The following ZNF385B variants were observed in gnomAD, a reference collection of about 807,000 sequenced individuals.
ZNF385B encodes the protein zinc finger protein 533.
In ZNF385B, 23 loss-of-function variants were observed where a neutral mutation model predicts 39.2. The observed-to-expected ratio is 0.59, with a 90% CI of 0.42 to 0.83. ZNF385B has a LOEUF of 0.83. Ranked by LOEUF, ZNF385B falls within the 40% of genes least tolerant of loss-of-function variation. The pLI is 0.00. For missense variants in ZNF385B, 552 were observed against 598.9 expected, an observed-to-expected ratio of 0.92 and a Z score of 0.82; for synonymous variants, 205 against 222.6, an observed-to-expected ratio of 0.92 and a Z score of 0.70.
intron 3 of ZNF385B, among the ~76,000 whole-genome samples, chr2:179,632,482 A>G (rs1490693418): frequency 6.6e-6 from 1 of 152,210 alleles, no homozygotes; most frequent in East Asian, 1.9e-4. Flanking sequence ...AGGCAGAAAT[A>G]AAGATGTTTT....
At chr2:179,508,533 A>G (rs534555535) in intron 5 of ZNF385B, among the ~76,000 whole-genome samples, 142 of 152,342 alleles carry the variant, frequency 9.3e-4, no homozygotes, top group Non-Finnish European at 1.5e-3. Context: ...ACTTTTGACT[A>G]AAAGAGTTAT....
chr2:179,670,406 C>T (rs1176861665), intron 3 of ZNF385B, among the ~76,000 whole-genome samples: 1 of 151,626 alleles, frequency 6.6e-6, no homozygotes, highest in Admixed American at 6.6e-5. Flanking sequence ...TAGCATGCTA[C>T]TCTCTAGTAC....
At chr2:179,749,940 C>T (rs1050273799) in intron 3 of ZNF385B, among the ~76,000 whole-genome samples, 3 of 152,048 alleles carry the variant, frequency 2.0e-5, no homozygotes, top group Non-Finnish European at 4.4e-5. Flanking sequence ...GATAATCCGT[C>T]CTTCACTAAA....
intron 5 of ZNF385B, chr2:179,513,950 G>C (rs1316862780): frequency 6.6e-6 from 1 of 152,212 alleles, no homozygotes; most frequent in African/African-American, 2.4e-5. Flanking sequence ...CAAAAGATGA[G>C]AACCAATTTA....
chr2:179,443,168 A>G lies in ZNF385B; in HGVS notation c.*82T>C. The G allele has an allele frequency of 6.5e-7, 1 of 1,545,512 alleles. No homozygotes were observed. The highest frequency in any genetic ancestry group is 8.9e-7 in the Non-Finnish European group (1 of 1,125,152). ...GTGGGTGAATGGGGGGTACTGCAAC[A>G]CAAACTGCTTAAATTGCTGAATCCT... On this transcript the variant is annotated 3_prime_UTR_variant, in exon 10 of 10. Transcript: ENST00000410066.
intron 3 of ZNF385B, among the ~76,000 whole-genome samples, chr2:179,674,426 T>G (rs1363417713): frequency 6.6e-6 from 1 of 152,202 alleles, no homozygotes; most frequent in African/African-American, 2.4e-5. Context: ...GGTGGTTTAG[T>G]CTTATGAATG....
At chr2:179,559,079 A>G (rs1256945092) in intron 3 of ZNF385B, among the ~76,000 whole-genome samples, 1 of 152,218 alleles carries the variant, frequency 6.6e-6, no homozygotes, top group Non-Finnish European at 1.5e-5. Context: ...ATTTCTTGTT[A>G]GAAATTTCCT....
intron 1 of ZNF385B, among the ~76,000 whole-genome samples, chr2:179,824,789 G>A (rs996488524): frequency 6.6e-6 from 1 of 151,418 alleles, no homozygotes. Flanking sequence ...AATATTTAAA[G>A]ATACAACTTT....
rs371073173 is a variant in ZNF385B, at chr2:179,569,314, A to C, written c.299-24345T>G. Among the ~76,000 whole-genome samples, 9 of 152,228 alleles carry C rather than the reference A, an allele frequency of 5.9e-5. No homozygotes were observed. The East Asian group carries it at 1.2e-3, about 20-fold the overall frequency. The stretch of plus-strand genomic sequence containing the variant: ...CCATAGCATACAAGAAAAATTGCTT[A>C]TCAGATGTCAGTTACTCCTAAATAT... On this transcript the variant is annotated intron_variant, in intron 3 of 9. Transcript: ENST00000410066.
At chr2:179,793,770 GAGTCAGTGGTGCATACAGGTAAA>G (rs1705486897) in intron 1 of ZNF385B, among the ~76,000 whole-genome samples, 1 of 152,238 alleles carries the variant, frequency 6.6e-6, no homozygotes, top group South Asian at 2.1e-4. Context: ...GGGCAGATGT[GAGTCAGTGGTGCATACAGGTAAA>G]AAGAAAAGAT....
rs34449760 is a variant in ZNF385B at position 179,714,942 on chromosome 2, C to CAAAAAAAAAAAAAAAAAAAAAA, written c.298+54560_298+54561insTTTTTTTTTTTTTTTTTTTTTT. Reference sequence around the variant, plus strand: ...TGGGTAACAAAGCGAGATTCTATCTCAAAAAAAAAAAAAAAAAAACAGTTT... The same window carrying CAAAAAAAAAAAAAAAAAAAAAA: ...TGGGTAACAAAGCGAGATTCTATCTCAAAAAAAAAAAAAAAAAAAAAAAAAAAAAAAAAAAAAAAAACAGTTT... On this transcript the variant is annotated intron_variant, in intron 3 of 9. Coordinates refer to ENST00000410066, the MANE Select transcript of ZNF385B (RefSeq NM_152520.6). Among the ~76,000 whole-genome samples the CAAAAAAAAAAAAAAAAAAAAAA allele has an allele frequency of 2.9e-3, 228 of 79,230 alleles. 21 individuals carry two copies. In the East Asian group the frequency reaches 0.044, roughly 15 times the overall value. The allele number at this position is 79,230 out of a possible 152,430, so 52.0% of individuals were successfully genotyped here.
chr2:179,621,638 C>T (rs34595830), intron 3 of ZNF385B, among the ~76,000 whole-genome samples: 8,740 of 152,234 alleles, frequency 0.057, 378 homozygotes, highest in Middle Eastern at 0.11. Context: ...TTTCTCCCTA[C>T]CTTCCTTTAC....
chr2:179,510,363 GTA>G (rs1274488663), intron 5 of ZNF385B, among the ~76,000 whole-genome samples: 2 of 152,020 alleles, frequency 1.3e-5, no homozygotes, highest in African/African-American at 4.8e-5. Context: ...CAGTGAATGT[GTA>G]TATGTGTGTA....
Position 179,760,223 on chromosome 2 carries a change from C to CGCGTGT in ZNF385B, c.298+9279_298+9280insACACGC, listed in dbSNP as rs11282329. 5.8e-3 allele frequency among the ~76,000 whole-genome samples: 840 copies of CGCGTGT among 144,546 alleles called. 4 individuals are homozygous for CGCGTGT. The highest frequency in any genetic ancestry group is 7.8e-3 in the Non-Finnish European group (515 of 65,728). 94.8% of individuals were successfully genotyped at this position (144,546 alleles called of 152,430 possible). A position where few individuals can be genotyped will look rare whatever the true frequency, so the allele number is the denominator to read the frequency against. The stretch of plus-strand genomic sequence containing the variant: ...CCAGTATTACCTGGATTCCTGTGTG[C>CGCGTGT]GTGTGTGTGTGTGTGTGTGTGTGTG... On this transcript the variant is annotated intron_variant, in intron 3 of 9. Coordinates refer to ENST00000410066, the MANE Select transcript of ZNF385B (RefSeq NM_152520.6).
At chr2:179,737,685 T>C (rs952742314) in intron 3 of ZNF385B, among the ~76,000 whole-genome samples, 1 of 152,236 alleles carries the variant, frequency 6.6e-6, no homozygotes, top group Non-Finnish European at 1.5e-5. Context: ...GATTACATCA[T>C]ATTCCCCGCA....
At chr2:179,773,194 T>C (rs1223999011) in intron 1 of ZNF385B, among the ~76,000 whole-genome samples, 2 of 152,188 alleles carry the variant, frequency 1.3e-5, no homozygotes, top group African/African-American at 4.8e-5. Flanking sequence ...AAAAGGAAAC[T>C]GATCCAGAGG....
chr2:179,627,954 G>T (rs1690825309), intron 3 of ZNF385B, among the ~76,000 whole-genome samples: 1 of 152,028 alleles, frequency 6.6e-6, no homozygotes, highest in Non-Finnish European at 1.5e-5. Context: ...TACAATAATA[G>T]AAATCCTCAT....
intron 6 of ZNF385B, among the ~76,000 whole-genome samples, chr2:179,456,092 G>T (rs993444239): frequency 6.6e-6 from 1 of 152,142 alleles, no homozygotes; most frequent in Non-Finnish European, 1.5e-5. Context: ...ACACATGGCT[G>T]TAAAGGCTAT....
intron 5 of ZNF385B, among the ~76,000 whole-genome samples, chr2:179,483,773 A>C (rs879940873): frequency 6.6e-6 from 1 of 152,218 alleles, no homozygotes; most frequent in Admixed American, 6.5e-5. Flanking sequence ...ATTGGCTGGC[A>C]GCAGGGGCTT....
Sources: gnomAD v4.1 joint callset for allele counts (sites outside exome capture counted in the v4.1 genomes callset) on GRCh38, gnomAD v4.1.1 for gene constraint, MANE v1.5 for transcripts, NCBI Gene and HGNC (gene_info 2026-07-23, HGNC 2026-07-21) for gene names.